ADAMTSL1: variants seen among roughly 807,000 people sequenced by gnomAD.
The protein encoded by ADAMTSL1 is ADAMTS-like protein 1.
ADAMTSL1 carries 126 observed loss-of-function variants against 201.8 expected under a neutral mutation model. The observed-to-expected ratio is 0.62, with a 90% confidence interval of 0.54 to 0.72. The LOEUF (loss-of-function observed/expected upper bound fraction) is 0.72, where lower values mean the gene tolerates loss of function less well. Among genes scored for constraint, ADAMTSL1 ranks in the 30% least tolerant of loss-of-function variants. The pLI is 0.00. For synonymous variants in ADAMTSL1, 1,121 were observed against 903.4 expected, an observed-to-expected ratio of 1.24 and a Z score of -4.32; for missense variants, 2,679 against 2,277.8, an observed-to-expected ratio of 1.18 and a Z score of -3.59.
intron 19 of ADAMTSL1, among the ~76,000 whole-genome samples, chr9:18,787,325 G>A (rs1373189920): frequency 6.6e-6 from 1 of 152,152 alleles, no homozygotes; most frequent in Non-Finnish European, 1.5e-5. Flanking sequence ...TCGCAGAAAT[G>A]ACCATCATGA....
rs199857274 is a variant in ADAMTSL1 at position 18,220,189 on chromosome 9, GT to G, written c.207+56212del. ...AATTTTTCACCTGCTTCATTGATCA[GT>G]TTTGGTTTAGATATGATCCAGTTTT... On this transcript the variant is annotated intron_variant, in intron 2 of 29. Transcript: ENST00000680146. 1.6e-4 allele frequency among the ~76,000 whole-genome samples: 25 copies of G among 152,162 alleles called. No individual in the cohort carries two copies. In the East Asian group the frequency reaches 4.8e-3, roughly 29 times the overall value.
At chr9:18,898,873 C>A (rs925491043) in intron 26 of ADAMTSL1, among the ~76,000 whole-genome samples, 3 of 152,134 alleles carry the variant, frequency 2.0e-5, no homozygotes, top group Non-Finnish European at 4.4e-5. Flanking sequence ...TGAGAGCATT[C>A]CCCTTGAAAA....
chr9:18,176,007 CAAAAAAAA>C (rs57982328), intron 2 of ADAMTSL1, among the ~76,000 whole-genome samples: 1 of 62,578 alleles, frequency 1.6e-5, no homozygotes, highest in Admixed American at 1.8e-4. Flanking sequence ...AGAGGGAAAG[CAAAAAAAA>C]AAAAAAAAAA....
At chr9:18,662,301 A>G (rs1293395702) in intron 9 of ADAMTSL1, among the ~76,000 whole-genome samples, 1 of 152,216 alleles carries the variant, frequency 6.6e-6, no homozygotes, top group Admixed American at 6.5e-5. Context: ...ATAAAGCAGC[A>G]GGTGACATGC....
At chr9:18,343,444 G>T (rs2132978982) in intron 2 of ADAMTSL1, among the ~76,000 whole-genome samples, 1 of 152,172 alleles carries the variant, frequency 6.6e-6, no homozygotes, top group Non-Finnish European at 1.5e-5. Flanking sequence ...TCAGTTACAA[G>T]CACAAGTCCA....
intron 1 of ADAMTSL1, among the ~76,000 whole-genome samples, chr9:17,976,699 G>A (rs955006511): frequency 3.4e-5 from 5 of 146,800 alleles, no homozygotes; most frequent in Non-Finnish European, 4.5e-5. Flanking sequence ...TCTTGCTCTC[G>A]CTCTCTCTCT....
chr9:17,971,402 A>G (rs1021437460), intron 1 of ADAMTSL1, among the ~76,000 whole-genome samples: 1 of 152,054 alleles, frequency 6.6e-6, no homozygotes, highest in Non-Finnish European at 1.5e-5. Flanking sequence ...GTGCCTAAAA[A>G]CTATCAATAC....
At chr9:18,245,586 G>A (rs1831230983) in intron 2 of ADAMTSL1, among the ~76,000 whole-genome samples, 1 of 152,106 alleles carries the variant, frequency 6.6e-6, no homozygotes, top group Non-Finnish European at 1.5e-5. Context: ...TAGTCCTTAG[G>A]TGTCCCAGTT....
chr9:18,248,337 G>A lies in ADAMTSL1; in HGVS notation c.207+84356G>A, dbSNP rs867442962. Among the ~76,000 whole-genome samples, 3 of 152,118 alleles carry A rather than the reference G, an allele frequency of 2.0e-5. No homozygotes were observed. The South Asian group carries it at 6.2e-4, about 32-fold the overall frequency. On this transcript the variant is annotated intron_variant, in intron 2 of 29. Coordinates refer to the ADAMTSL1 transcript ENST00000680146. ...TCAAAGATGCTGGACTGTGGATTAC[G>A]CGGTATGTAAAAAGCTTGGCTTCCC...
chr9:18,223,160 G>C (rs1436400613), intron 2 of ADAMTSL1, among the ~76,000 whole-genome samples: 5 of 151,882 alleles, frequency 3.3e-5, no homozygotes, highest in Admixed American at 2.0e-4. Flanking sequence ...ATTACATGTT[G>C]AGCATCCGAA....
At chr9:18,443,355 G>C (rs1278971976) in intron 2 of ADAMTSL1, among the ~76,000 whole-genome samples, 1 of 152,174 alleles carries the variant, frequency 6.6e-6, no homozygotes, top group Non-Finnish European at 1.5e-5. Flanking sequence ...ATTACTTTTT[G>C]TCTTTCTCCT....
At position 18,910,534 on chromosome 9, in the gene ADAMTSL1, G is replaced by A. The variant is rs1830542963; in HGVS notation, c.*1986G>A. The A allele has an allele frequency of 6.6e-6, 1 of 152,182 alleles. No homozygotes were observed. The highest frequency in any genetic ancestry group is 1.5e-5 in the Non-Finnish European group (1 of 68,044). 9.4% of individuals were successfully genotyped at this position (152,182 alleles called of 1,614,324 possible). On this transcript the variant is annotated 3_prime_UTR_variant, in exon 29 of 29. Coordinates refer to ENST00000380548, the MANE Select transcript of ADAMTSL1 (RefSeq NM_001040272.6). Reference sequence around the variant, plus strand: ...GGATGTGTTGTAAAAACTAACATGGGATGCTGAGGCAGTAAGAGGGAATTC... The same window carrying A: ...GGATGTGTTGTAAAAACTAACATGGAATGCTGAGGCAGTAAGAGGGAATTC...
intron 1 of ADAMTSL1, among the ~76,000 whole-genome samples, chr9:18,080,145 T>A (rs1489083787): frequency 6.6e-6 from 1 of 152,200 alleles, no homozygotes; most frequent in Non-Finnish European, 1.5e-5. Flanking sequence ...ATAGCTCATA[T>A]TCTGTGCAAA....
rs368439149 is a variant in ADAMTSL1 at position 18,578,868 on chromosome 9, C to A, written c.474+4602C>A. The stretch of plus-strand genomic sequence containing the variant: ...CAACAGTGTAAAAGTGTTCCTATTT[C>A]TCCACATCCTCTCCAGCACCTGTTG... On this transcript the variant is annotated intron_variant, in intron 4 of 28. Transcript: ENST00000380548. Among the ~76,000 whole-genome samples, 29 of 151,302 alleles carry A rather than the reference C, an allele frequency of 1.9e-4. 1 individual carries two copies. The highest frequency in any genetic ancestry group is 6.6e-4 in the African/African-American group (27 of 41,212).
At chr9:18,309,825 A>G (rs1201470538) in intron 2 of ADAMTSL1, among the ~76,000 whole-genome samples, 1 of 152,114 alleles carries the variant, frequency 6.6e-6, no homozygotes, top group Non-Finnish European at 1.5e-5. Flanking sequence ...CAGAATTAAA[A>G]AAAAAACACT....
At chr9:18,839,322 T>G (rs1026851483) in intron 23 of ADAMTSL1, among the ~76,000 whole-genome samples, 1 of 151,916 alleles carries the variant, frequency 6.6e-6, no homozygotes, top group African/African-American at 2.4e-5. Context: ...CTGAGAATGA[T>G]GATTTCCAAT....
chr9:18,461,121 G>A (rs1212878266), intron 2 of ADAMTSL1, among the ~76,000 whole-genome samples: 1 of 152,132 alleles, frequency 6.6e-6, no homozygotes, highest in Non-Finnish European at 1.5e-5. Flanking sequence ...CAAGAAAGGT[G>A]CATCAAGAAT....
rs552743565 is a variant in ADAMTSL1, at chr9:18,770,222, G to C, written c.2218-380G>C. 6.6e-5 allele frequency among the ~76,000 whole-genome samples: 10 copies of C among 152,276 alleles called. 1 individual carries two copies. Among genetic ancestry groups the C allele is most frequent in the Admixed American group, 3.9e-4 (6 of 15,306 alleles). ...ATACTGATGGCGGGAGCTCTCTCCT[G>C]TTCATTCTGGAAGCAGCACAGATTA... On this transcript the variant is annotated intron_variant, in intron 16 of 28. Transcript: ENST00000380548.
intron 2 of ADAMTSL1, among the ~76,000 whole-genome samples, chr9:18,209,405 G>T (rs996625721): frequency 3.3e-5 from 5 of 152,100 alleles, no homozygotes; most frequent in Non-Finnish European, 7.4e-5. Flanking sequence ...TATCGAATCA[G>T]TACCTATCAC....
Sources: gnomAD v4.1 joint callset for allele counts (sites outside exome capture counted in the v4.1 genomes callset) on GRCh38, gnomAD v4.1.1 for gene constraint, MANE v1.5 for transcripts, NCBI Gene and HGNC (gene_info 2026-07-23, HGNC 2026-07-21) for gene names.